The following CA4 variants were observed in gnomAD, a reference collection of about 807,000 sequenced individuals.
CA4 encodes the protein carbonic anhydrase 4.
In CA4, 24 loss-of-function variants were observed where a neutral mutation model predicts 34.5. The ratio of observed to expected loss-of-function variants is 0.70; its 90% confidence interval spans 0.50 to 0.98. The LOEUF is 0.98. Ranked by LOEUF, CA4 falls within the 50% of genes least tolerant of loss-of-function variation. The probability of loss-of-function intolerance (pLI) is 0.00; values close to 1 mark genes in which losing one functional copy is unlikely to be tolerated. For synonymous variants in CA4, 178 were observed against 170.6 expected (o/e 1.04, Z -0.34); for missense variants, 394 against 396.7 (o/e 0.99, Z 0.06).
chr17:60,169,177 G>T (rs539717804), intron 5 of CA4, among the ~76,000 whole-genome samples: 13 of 151,482 alleles, frequency 8.6e-5, no homozygotes, highest in African/African-American at 3.2e-4. Flanking sequence ...AGCCTGGGAG[G>T]CGGAGGTTGC....
chr17:60,153,358 T>C (rs1314373879), intron 1 of CA4, among the ~76,000 whole-genome samples: 1 of 152,134 alleles, frequency 6.6e-6, no homozygotes, highest in Non-Finnish European at 1.5e-5. Context: ...ATAATATCAA[T>C]TCTTGGATAA....
At chr17:60,162,578 C>T (rs535757240), downstream of CA4, among the ~76,000 whole-genome samples, 6 of 152,076 alleles carry the variant, frequency 3.9e-5, no homozygotes, top group East Asian at 1.2e-3. Context: ...CACACACACA[C>T]ACACACACAC....
chr17:60,162,181 C>A (rs2083798311), downstream of CA4, among the ~76,000 whole-genome samples: 1 of 152,272 alleles, frequency 6.6e-6, no homozygotes, highest in South Asian at 2.1e-4. Context: ...GTGCTGCCAG[C>A]ACTCAACTCC....
At chr17:60,156,950 CAT>C (rs1851726433) in intron 3 of CA4, 4 of 601,606 alleles carry the variant, frequency 6.6e-6, no homozygotes, top group Non-Finnish European at 1.2e-5. Flanking sequence ...GGAAGAAGGA[CAT>C]GTGCAAAGGC....
At chr17:60,160,071 C>T (rs772483340), downstream of CA4, among the ~76,000 whole-genome samples, 20 of 152,086 alleles carry the variant, frequency 1.3e-4, no homozygotes, top group African/African-American at 4.3e-4. Context: ...ACCCAGGAGG[C>T]GAAGGTTGCA....
At position 60,156,612 on chromosome 17, in the gene CA4, C is replaced by T. The variant is rs542115865; in HGVS notation, c.165C>T (p.Asn55=). 4.1e-5 allele frequency: 66 copies of T among 1,614,074 alleles called. 1 individual carries two copies. In the South Asian group the frequency reaches 7.1e-4, roughly 17 times the overall value. The change falls in exon 3 of 8, where the codon AAC becomes AAT. Residue 55 remains asparagine (N), a synonymous_variant. Transcript: ENST00000300900. ...NCQKDRQSPI[N]IVTTKAKVDK... Reference sequence around the variant, plus strand: ...AGAAGGACCGCCAGTCCCCCATCAACATCGTCACCACCAAGGCAAAGGTGG... The same window carrying T: ...AGAAGGACCGCCAGTCCCCCATCAATATCGTCACCACCAAGGCAAAGGTGG...
In CA4 at chr17:60,153,898, G is replaced by C. The variant is rs1442758205; in HGVS notation, c.59-1416G>C. Among the ~76,000 whole-genome samples the C allele has an allele frequency of 2.0e-5, 3 of 152,216 alleles. No homozygotes were observed. The East Asian group carries it at 5.8e-4, about 29-fold the overall frequency. ...AGCTCTGAAAAAGGCGATGCCAGCA[G>C]GGAAGGAGAGGCAGTGATCAGGGCA... On this transcript the variant is annotated intron_variant, in intron 1 of 7. Transcript: ENST00000300900.
At chr17:60,162,733 A>G (rs926715569), downstream of CA4, among the ~76,000 whole-genome samples, 12 of 152,102 alleles carry the variant, frequency 7.9e-5, no homozygotes, top group African/African-American at 2.9e-4. Context: ...ATCGTGTTCC[A>G]GGTGGGGGCC....
At chr17:60,169,476 A>G (rs1373122069) in intron 5 of CA4, among the ~76,000 whole-genome samples, 1 of 152,034 alleles carries the variant, frequency 6.6e-6, no homozygotes, top group East Asian at 1.9e-4. Flanking sequence ...GGGTGGGTAC[A>G]GGCCCTGGAG....
downstream of CA4, among the ~76,000 whole-genome samples, chr17:60,162,031 C>T (rs1337441078): frequency 6.6e-6 from 1 of 152,028 alleles, no homozygotes; most frequent in East Asian, 1.9e-4. Context: ...AGAAGGTGTT[C>T]GACCCTCCCC....
chr17:60,158,410 TGTGTTCCG>T lies in CA4; in HGVS notation c.710_717del (p.Val237GlyfsTer107). On this transcript the variant is annotated frameshift_variant, in exon 7 of 8. Transcript: ENST00000300900. LOFTEE classifies it low-confidence loss of function (END_TRUNC). ...CCTGCGATGAGAAGGTCGTCTGGAC[TGTGTTCCG>T]GGAGCCCATTCAGCTTCACAGAGAA... The T allele has an allele frequency of 6.2e-7, 1 of 1,614,108 alleles. No homozygotes were observed. The highest frequency in any genetic ancestry group is 8.5e-7 in the Non-Finnish European group (1 of 1,180,026).
chr17:60,157,206 C>A (rs1467282068), intron 3 of CA4, among the ~76,000 whole-genome samples: 1 of 152,190 alleles, frequency 6.6e-6, no homozygotes, highest in Non-Finnish European at 1.5e-5. Flanking sequence ...GTGGAGGGTG[C>A]AGGAGAGGGG....
chr17:60,171,999 G>A (rs1019059461), downstream of CA4, among the ~76,000 whole-genome samples: 3 of 152,112 alleles, frequency 2.0e-5, no homozygotes, highest in African/African-American at 7.2e-5. Flanking sequence ...TCTGAACCTG[G>A]GGCTGCGGCA....
downstream of CA4, among the ~76,000 whole-genome samples, chr17:60,162,973 G>T (rs1354646867): frequency 6.6e-6 from 1 of 152,190 alleles, no homozygotes; most frequent in Non-Finnish European, 1.5e-5. Flanking sequence ...CATCCCCAGT[G>T]GGCCGCCTCT....
intron 2 of CA4, 102 bp from the exon 3 acceptor site, chr17:60,156,458 T>C: frequency 8.5e-7 from 1 of 1,180,418 alleles, no homozygotes; most frequent in Non-Finnish European, 1.3e-6. Context: ...AAAGCGTTTC[T>C]GTGTGGGAAC....
intron 7 of CA4, 120 bp downstream of exon 7, chr17:60,158,566 G>A (rs754494491): frequency 6.8e-5 from 66 of 965,264 alleles, no homozygotes; most frequent in Non-Finnish European, 9.3e-5. Context: ...ACTGAAGTCC[G>A]TTGTTAATCA....
downstream of CA4, among the ~76,000 whole-genome samples, chr17:60,160,727 G>T (rs1287146622): frequency 1.3e-5 from 2 of 149,742 alleles, no homozygotes; most frequent in African/African-American, 4.9e-5. Context: ...CTCCAACCTG[G>T]GTGACAGAGA....
At chr17:60,157,644 T>A (rs759278536) in intron 4 of CA4, 46 bp from the exon 5 acceptor site, 1 of 1,612,708 alleles carries the variant, frequency 6.2e-7, no homozygotes, top group Non-Finnish European at 8.5e-7. Flanking sequence ...AGGAGGGTAG[T>A]CCAGGCCCTT....
At chr17:60,164,213 TC>T (rs1255538546), downstream of CA4, among the ~76,000 whole-genome samples, 3 of 148,526 alleles carry the variant, frequency 2.0e-5, no homozygotes, top group Non-Finnish European at 4.5e-5. Context: ...TTTCTTTTTT[TC>T]TTTCTTTCTC....
Sources: gnomAD v4.1 joint callset for allele counts (sites outside exome capture counted in the v4.1 genomes callset) on GRCh38, gnomAD v4.1.1 for gene constraint, MANE v1.5 for transcripts, NCBI Gene and HGNC (gene_info 2026-07-23, HGNC 2026-07-21) for gene names.